CENPW: variants seen among roughly 807,000 people sequenced by gnomAD.
CENPW encodes the protein centromere protein W.
A neutral mutation model predicts 11.1 loss-of-function variants in CENPW; 3 were observed. That is an observed-to-expected ratio of 0.27 (90% CI 0.12 to 0.70). CENPW has a LOEUF of 0.70. Ranked by LOEUF, CENPW falls within the 30% of genes least tolerant of loss-of-function variation. The pLI, the probability that CENPW is intolerant of heterozygous loss-of-function variation, is 0.77. For synonymous variants in CENPW, 38 were observed against 42.0 expected, an observed-to-expected ratio of 0.91 and a Z score of 0.37; for missense variants, 100 against 105.6, an observed-to-expected ratio of 0.95 and a Z score of 0.23.
the CENPW span, among the ~76,000 whole-genome samples, chr6:126,441,905 T>C: frequency 6.6e-6 from 1 of 151,612 alleles, no homozygotes; most frequent in African/African-American, 2.4e-5. Flanking sequence ...ATTGTGCTGC[T>C]ATAAACATGC....
chr6:126,467,243 T>C, the CENPW span, among the ~76,000 whole-genome samples: 2 of 152,034 alleles, frequency 1.3e-5, no homozygotes, highest in Non-Finnish European at 1.5e-5. Flanking sequence ...CTTCCAACTA[T>C]ACTACAGGGC....
intron 1 of CENPW, among the ~76,000 whole-genome samples, chr6:126,341,010 C>T (rs1266692028): frequency 2.0e-5 from 3 of 152,218 alleles, no homozygotes; most frequent in Non-Finnish European, 4.4e-5. Context: ...ACTGTTAATT[C>T]ATTTCGCTAG....
chr6:126,429,052 C>T, the CENPW span, among the ~76,000 whole-genome samples: 1 of 152,016 alleles, frequency 6.6e-6, no homozygotes, highest in Non-Finnish European at 1.5e-5. Context: ...TATGTTTGTA[C>T]AACAATTTAT....
the CENPW span, among the ~76,000 whole-genome samples, chr6:126,440,972 T>G: frequency 6.6e-6 from 1 of 151,464 alleles, no homozygotes; most frequent in Non-Finnish European, 1.5e-5. Context: ...CTAGTAAGAA[T>G]TTGACTCCCT....
the CENPW span, among the ~76,000 whole-genome samples, chr6:126,462,245 C>T: frequency 2.6e-5 from 4 of 151,860 alleles, no homozygotes; most frequent in Non-Finnish European, 5.9e-5. Flanking sequence ...AGCAAATTAA[C>T]ATATCCATCA....
the CENPW span, among the ~76,000 whole-genome samples, chr6:126,440,768 G>A: frequency 5.9e-5 from 9 of 151,538 alleles, no homozygotes; most frequent in East Asian, 1.4e-3. Context: ...TAGATTATAT[G>A]GCCTAGCTTA....
At chr6:126,397,483 G>T in the CENPW span, among the ~76,000 whole-genome samples, 1 of 152,090 alleles carries the variant, frequency 6.6e-6, no homozygotes, top group Non-Finnish European at 1.5e-5. Context: ...ACCCTCTTCA[G>T]TGCGTCTTTC....
At chr6:126,403,973 A>G in the CENPW span, among the ~76,000 whole-genome samples, 1 of 152,050 alleles carries the variant, frequency 6.6e-6, no homozygotes, top group Non-Finnish European at 1.5e-5. Context: ...TTTTAAATTG[A>G]ATCCAAGCCT....
At chr6:126,478,889 A>T in the CENPW span, among the ~76,000 whole-genome samples, 1 of 151,998 alleles carries the variant, frequency 6.6e-6, no homozygotes, top group Non-Finnish European at 1.5e-5. Context: ...AATGAAGAAA[A>T]CTTTGGCTTC....
At chr6:126,408,822 T>C in the CENPW span, among the ~76,000 whole-genome samples, 1 of 152,096 alleles carries the variant, frequency 6.6e-6, no homozygotes, top group East Asian at 1.9e-4. Context: ...TCAATTATAA[T>C]TTTTTTGTTT....
chr6:126,391,808 C>A, the CENPW span, among the ~76,000 whole-genome samples: 1 of 151,862 alleles, frequency 6.6e-6, no homozygotes, highest in Non-Finnish European at 1.5e-5. Flanking sequence ...TCTGGGTTCT[C>A]TGTTTTGTTC....
At chr6:126,391,572 A>T in the CENPW span, among the ~76,000 whole-genome samples, 1 of 151,784 alleles carries the variant, frequency 6.6e-6, no homozygotes, top group African/African-American at 2.4e-5. Context: ...GAGTTTTCCC[A>T]TGTTTTCTTT....
chr6:126,409,343 A>T, the CENPW span, among the ~76,000 whole-genome samples: 6 of 152,050 alleles, frequency 3.9e-5, no homozygotes. Flanking sequence ...ATGATCTAAC[A>T]TGTGATTTAT....
chr6:126,407,782 G>T, the CENPW span, among the ~76,000 whole-genome samples: 28 of 152,144 alleles, frequency 1.8e-4, no homozygotes, highest in Non-Finnish European at 3.4e-4. Context: ...GAGGGTGTTT[G>T]TTTTATTCTT....
intron 1 of CENPW, 93 bp downstream of exon 1, chr6:126,340,492 T>C (rs1349047437): frequency 6.3e-7 from 1 of 1,588,588 alleles, no homozygotes; most frequent in Non-Finnish European, 8.6e-7. Flanking sequence ...CGAGCCAATT[T>C]ATAGCTCTTT....
At chr6:126,396,782 G>T in the CENPW span, among the ~76,000 whole-genome samples, 4 of 152,002 alleles carry the variant, frequency 2.6e-5, no homozygotes, top group African/African-American at 9.7e-5. Flanking sequence ...AGTGCTTCCA[G>T]GACTGGGTTC....
the CENPW span, among the ~76,000 whole-genome samples, chr6:126,423,506 G>C: frequency 4.6e-5 from 7 of 152,154 alleles, no homozygotes; most frequent in Non-Finnish European, 8.8e-5. Context: ...ATATGATTTA[G>C]ACAATTTTAA....
the CENPW span, among the ~76,000 whole-genome samples, chr6:126,444,987 A>G: frequency 7.9e-5 from 12 of 150,956 alleles, no homozygotes. Context: ...ATTTCTTCTT[A>G]GGTTGGGCAC....
chr6:126,417,898 C>T, the CENPW span, among the ~76,000 whole-genome samples: 1 of 152,098 alleles, frequency 6.6e-6, no homozygotes, highest in Non-Finnish European at 1.5e-5. Context: ...AGAATATATA[C>T]ATAACTTTTA....
Sources: gnomAD v4.1 joint callset for allele counts (sites outside exome capture counted in the v4.1 genomes callset) on GRCh38, gnomAD v4.1.1 for gene constraint, MANE v1.5 for transcripts, NCBI Gene and HGNC (gene_info 2026-07-23, HGNC 2026-07-21) for gene names.